Variants in C4orf50 observed in about 807,000 individuals in gnomAD.
C4orf50 encodes chromosome 4 open reading frame 50.
In C4orf50, 80 loss-of-function variants were observed where a neutral mutation model predicts 77.2. The observed-to-expected ratio is 1.04, with a 90% CI of 0.87 to 1.25. The LOEUF is 1.25. C4orf50 is among the 50% of genes most tolerant of loss of function. C4orf50 has a pLI of 0.00. For synonymous variants in C4orf50, 532 were observed against 465.3 expected (o/e 1.14, Z -1.84); for missense variants, 1,257 against 1,152.9 (o/e 1.09, Z -1.31).
chr4:5,973,936 C>T (rs1243132847), intron 30 of C4orf50, 95 bp from the exon 9 acceptor site: 5 of 978,342 alleles, frequency 5.1e-6, no homozygotes, highest in Non-Finnish European at 7.4e-6. Context: ...GAGGCCCCTA[C>T]TCACCATCCC....
At chr4:5,951,366 G>A (rs1275083918) in intron 7 of C4orf50, among the ~76,000 whole-genome samples, 3 of 152,124 alleles carry the variant, frequency 2.0e-5, no homozygotes, top group African/African-American at 7.2e-5. Flanking sequence ...TGATTGTGAA[G>A]CAAGAGACAC....
intron 28 of C4orf50, among the ~76,000 whole-genome samples, chr4:5,985,484 G>A (rs1411907399): frequency 1.3e-5 from 2 of 151,760 alleles, no homozygotes; most frequent in Admixed American, 6.6e-5. Flanking sequence ...CTAATTTAAA[G>A]TAAATTTAAA....
At chr4:5,990,322 A>C (rs1721190524) in exon 28 of C4orf50, 3 of 951,302 alleles carry the variant, frequency 3.2e-6, no homozygotes, top group Non-Finnish European at 4.1e-6. Flanking sequence ...CTTGTCACCA[A>C]GGTTTTTCCC....
At chr4:6,003,845 ATGATGG>A (rs1560597994) in intron 25 of C4orf50, among the ~76,000 whole-genome samples, 1 of 43,290 alleles carries the variant, frequency 2.3e-5, no homozygotes, top group Non-Finnish European at 4.2e-5. Flanking sequence ...TGTGATAGTG[ATGATGG>A]TGATGATGGT....
intron 25 of C4orf50, among the ~76,000 whole-genome samples, chr4:5,996,932 G>GCA (rs1721618121): frequency 6.6e-6 from 1 of 152,196 alleles, no homozygotes; most frequent in Non-Finnish European, 1.5e-5. Flanking sequence ...AACCAGAATT[G>GCA]CACACTTTGT....
rs944914892 is a variant in C4orf50 at position 6,017,241 on chromosome 4, T to C, written c.287+904A>G. ...GAGACAGGCAGCCTGGATTAGCAAC[T>C]GCCGGAAGCCACTTCTGCCCCTGGG... On this transcript the variant is annotated intron_variant, in intron 23 of 33. Transcript: ENST00000531445. This position sits in a 1 kb window ranked among gnomAD's most constrained non-coding sequence, Gnocchi z 4.7. Among the ~76,000 whole-genome samples, 99 of 152,316 alleles carry C rather than the reference T, an allele frequency of 6.5e-4. No homozygotes were observed. The highest frequency in any genetic ancestry group is 3.4e-3 in the Middle Eastern group (1 of 294).
chr4:5,990,850 T>C (rs1003358691), intron 27 of C4orf50, 26 bp from the exon 6 acceptor site: 2 of 398,880 alleles, frequency 5.0e-6, no homozygotes, highest in Non-Finnish European at 8.8e-6. Flanking sequence ...GAAGATGAGG[T>C]GTGAAACAGC....
intron 7 of C4orf50, among the ~76,000 whole-genome samples, chr4:5,923,031 C>T (rs1075684): frequency 0.35 from 53,789 of 152,088 alleles, 11,367 homozygotes; most frequent in East Asian, 0.77. Context: ...CATTTTCTCC[C>T]TGGGAGCCCA....
chr4:5,989,184 G>A, exon 28 of C4orf50: 2 of 1,535,874 alleles, frequency 1.3e-6, no homozygotes, highest in Non-Finnish European at 1.7e-6. Context: ...CTCTTTCATG[G>A]AACCTCTCTT....
chr4:5,983,212 C>CAG (rs1280699450), intron 28 of C4orf50, among the ~76,000 whole-genome samples: 1 of 152,192 alleles, frequency 6.6e-6, no homozygotes, highest in Non-Finnish European at 1.5e-5. Context: ...TTAGAGCAGA[C>CAG]AGATCTTTTC....
chr4:5,922,135 G>A (rs1326268939), intron 7 of C4orf50, among the ~76,000 whole-genome samples: 1 of 152,174 alleles, frequency 6.6e-6, no homozygotes, highest in Non-Finnish European at 1.5e-5. Flanking sequence ...TGGAAGACAA[G>A]CCTGCAGGGT....
intron 30 of C4orf50, among the ~76,000 whole-genome samples, chr4:5,974,959 G>T (rs981162640): frequency 6.6e-6 from 1 of 151,798 alleles, no homozygotes; most frequent in Admixed American, 6.6e-5. Context: ...GGCCAACATG[G>T]TGAAACCCTG....
At chr4:6,010,801 C>T (rs1722464578) in intron 24 of C4orf50, among the ~76,000 whole-genome samples, 1 of 152,230 alleles carries the variant, frequency 6.6e-6, no homozygotes, top group Non-Finnish European at 1.5e-5. Context: ...CCCTCCAGCC[C>T]CATCGTCCTT....
intron 25 of C4orf50, among the ~76,000 whole-genome samples, chr4:6,004,158 ATGATAGTGATGATGG>A (rs1722058543): frequency 1.5e-5 from 1 of 67,566 alleles, no homozygotes; most frequent in African/African-American, 7.4e-5. Context: ...GGTGATGGTG[ATGATAGTGATGATGG>A]TGATGATGGT....
At chr4:5,915,589 G>A (rs1716997102) in intron 7 of C4orf50, among the ~76,000 whole-genome samples, 1 of 152,196 alleles carries the variant, frequency 6.6e-6, no homozygotes, top group Admixed American at 6.5e-5. Flanking sequence ...TGTGACATGA[G>A]GCAGTGACCA....
chr4:5,989,420 C>T, exon 28 of C4orf50: 2 of 1,536,118 alleles, frequency 1.3e-6, no homozygotes, highest in Non-Finnish European at 1.7e-6. Context: ...TTATCACCTT[C>T]ACCACTCTCT....
chr4:5,913,032 G>C (rs1716876456), intron 7 of C4orf50, among the ~76,000 whole-genome samples: 1 of 152,216 alleles, frequency 6.6e-6, no homozygotes, highest in Non-Finnish European at 1.5e-5. Context: ...CCTGGCAGGG[G>C]CCGTATCTCT....
Position 5,932,734 on chromosome 4 carries a change from A to T in C4orf50, c.*2474+24167T>A, listed in dbSNP as rs1049924617. Among the ~76,000 whole-genome samples, 1 of 152,152 alleles carries T rather than the reference A, an allele frequency of 6.6e-6. No homozygotes were observed. The highest frequency in any genetic ancestry group is 1.5e-5 in the Non-Finnish European group (1 of 68,018). On this transcript the variant is annotated intron_variant, in intron 7 of 7. Coordinates refer to the C4orf50 transcript ENST00000324058. This position sits in a 1 kb window ranked among gnomAD's most constrained non-coding sequence, Gnocchi z 4.2. ...TGAGATAACAGGTGTGAGTCACTGC[A>T]CCCACATTACAGTATTAAAAAAGCA...
Position 5,970,143 on chromosome 4 carries a change from C to T in C4orf50, c.4105-2681G>A, listed in dbSNP as rs1184385138. ...ATCAACAGCGTAGGTCCAGGCAAAA[C>T]ACAGGAAAAAAAAAAAAAGGCCCAC... On this transcript the variant is annotated intron_variant, in intron 31 of 33. Transcript: ENST00000531445. The surrounding 1 kb of genome is among the most constrained non-coding windows in gnomAD (Gnocchi z 4.3). Among the ~76,000 whole-genome samples, 1 of 122,878 alleles carries T rather than the reference C, an allele frequency of 8.1e-6. No homozygotes were observed. The highest frequency in any genetic ancestry group is 1.9e-5 in the Non-Finnish European group (1 of 53,736). The allele number at this position is 122,878 out of a possible 152,430, so 80.6% of individuals were successfully genotyped here. A position where few individuals can be genotyped will look rare whatever the true frequency, so the allele number is the denominator to read the frequency against.
Sources: allele counts gnomAD v4.1 joint callset (sites outside exome capture counted in the v4.1 genomes callset), GRCh38; gene constraint gnomAD v4.1.1; non-coding constraint Gnocchi (gnomAD v3.1); transcripts MANE v1.5; gene names NCBI Gene and HGNC (gene_info 2026-07-23, HGNC 2026-07-21).